The following SGSM1 variants were observed in gnomAD, a reference collection of about 807,000 sequenced individuals.
The protein encoded by SGSM1 is small G protein signaling modulator 1, also known as RUN and TBC1 domain containing 2.
A neutral mutation model predicts 133.8 loss-of-function variants in SGSM1; 73 were observed. That is an observed-to-expected ratio of 0.55 (90% CI 0.45 to 0.66). SGSM1 has a LOEUF of 0.66. Among genes scored for constraint, SGSM1 ranks in the 30% least tolerant of loss-of-function variants. The pLI, the probability that SGSM1 is intolerant of heterozygous loss-of-function variation, is 0.00. For synonymous variants in SGSM1, 563 were observed against 573.0 expected, an observed-to-expected ratio of 0.98 and a Z score of 0.25; for missense variants, 1,213 against 1,448.1, an observed-to-expected ratio of 0.84 and a Z score of 2.64.
intron 16 of SGSM1, among the ~76,000 whole-genome samples, chr22:24,890,566 A>T (rs1192038499): frequency 6.6e-6 from 1 of 151,930 alleles, no homozygotes; most frequent in African/African-American, 2.4e-5. Flanking sequence ...TTTGAGGTGG[A>T]GTCTCGCTCT....
intron 21 of SGSM1, among the ~76,000 whole-genome samples, chr22:24,907,523 TTTGTTG>T (rs145401904): frequency 6.6e-6 from 1 of 151,396 alleles, no homozygotes; most frequent in African/African-American, 2.4e-5. Flanking sequence ...GCCTTTGTTT[TTTGTTG>T]TTGTTTTTTT....
chr22:24,861,042 C>A (rs1931121854), intron 9 of SGSM1, among the ~76,000 whole-genome samples: 1 of 147,270 alleles, frequency 6.8e-6, no homozygotes, highest in Non-Finnish European at 1.5e-5. Flanking sequence ...CAAGAAACAT[C>A]AGGCCTTGGA....
chr22:24,855,392 G>T lies in SGSM1; in HGVS notation c.631G>T (p.Val211Leu), dbSNP rs771782020. The T allele has an allele frequency of 1.6e-5, 26 of 1,613,400 alleles. No homozygotes were observed. Among genetic ancestry groups the T allele is most frequent in the Admixed American group, 1.7e-5 (1 of 59,956 alleles). ...GAGGCACCGCATCCACAGCTCCCAC[G>T]TGCGGCAGGACTCGCCCACCAAGCG... Reference protein sequence around the residue: ...VQRHRIHSSHVRQDSPTKRPA... With the variant: ...VQRHRIHSSHLRQDSPTKRPA... The change falls in exon 7 of 25, where the codon GTG becomes TTG. Residue 211 changes from valine (V) to leucine (L), a missense_variant. Physicochemically the swap from Val to Leu is conservative, Grantham distance 32. Transcript: ENST00000400358.
chr22:24,921,621 G>C (rs1364181123), intron 24 of SGSM1, among the ~76,000 whole-genome samples: 1 of 151,908 alleles, frequency 6.6e-6, no homozygotes, highest in Non-Finnish European at 1.5e-5. Flanking sequence ...GTTTCATTTA[G>C]TAAGTAGTTA....
intron 19 of SGSM1, 99 bp downstream of exon 19, chr22:24,898,658 C>T (rs1933002052): frequency 2.5e-6 from 3 of 1,210,102 alleles, no homozygotes; most frequent in Non-Finnish European, 3.5e-6. Context: ...CGGAGTCAGA[C>T]CTCTGGTTCG....
Position 24,901,927 on chromosome 22 carries a change from A to G in SGSM1, c.2705A>G (p.Asn902Ser). The change falls in exon 20 of 25, where the codon AAC (asparagine) becomes AGC (serine). Residue 902 changes from asparagine to serine, a missense_variant. Asn to Ser is a conservative substitution (Grantham distance 46, BLOSUM62 1). Transcript: ENST00000400358. ...AACTACTGGTACTTCACGCCCGCCAACTTGGAGAAGCTGCGTAACATCATG... is the reference window on the plus strand; with the variant it reads ...AACTACTGGTACTTCACGCCCGCCAGCTTGGAGAAGCTGCGTAACATCATG... ...DRNYWYFTPA[N>S]LEKLRNIMCS... The G allele has an allele frequency of 6.8e-7, 1 of 1,467,274 alleles. No homozygotes were observed. Among genetic ancestry groups the G allele is most frequent in the South Asian group, 1.2e-5 (1 of 86,340 alleles). The allele number at this position is 1,467,274 out of a possible 1,614,324, so 90.9% of individuals were successfully genotyped here.
chr22:24,913,333 T>G (rs994380738), intron 22 of SGSM1, among the ~76,000 whole-genome samples: 4 of 149,958 alleles, frequency 2.7e-5, no homozygotes, highest in African/African-American at 9.8e-5. Context: ...GAAGTGCAAA[T>G]TACTGGGCAC....
chr22:24,894,886 A>G (rs5760711), intron 17 of SGSM1, among the ~76,000 whole-genome samples: 2 of 152,104 alleles, frequency 1.3e-5, no homozygotes, highest in Non-Finnish European at 2.9e-5. Context: ...GGGAAAAAAA[A>G]AAGTGGAGCC....
intron 17 of SGSM1, among the ~76,000 whole-genome samples, chr22:24,894,108 A>C (rs958395704): frequency 8.5e-5 from 13 of 152,200 alleles, no homozygotes; most frequent in African/African-American, 2.9e-4. Context: ...AAAAAGTAGG[A>C]TCTCACCACC....
At chr22:24,895,355 G>T in intron 18 of SGSM1, 64 bp downstream of exon 18, 1 of 1,526,828 alleles carries the variant, frequency 6.5e-7, no homozygotes, top group Non-Finnish European at 9.0e-7. Context: ...GGGTCATGGG[G>T]GTTGGGTGTC....
intron 24 of SGSM1, among the ~76,000 whole-genome samples, chr22:24,920,589 C>T (rs1051065765): frequency 3.9e-5 from 6 of 152,118 alleles, no homozygotes; most frequent in African/African-American, 1.4e-4. Flanking sequence ...CACGTGGTAC[C>T]TGGCTCATAG....
chr22:24,862,860 G>T (rs11090351), intron 9 of SGSM1, among the ~76,000 whole-genome samples: 1 of 152,022 alleles, frequency 6.6e-6, no homozygotes, highest in Non-Finnish European at 1.5e-5. Context: ...TCAAGTGGGG[G>T]AGTAGGACGA....
chr22:24,837,119 C>T (rs1030552882), intron 2 of SGSM1, among the ~76,000 whole-genome samples: 2 of 152,162 alleles, frequency 1.3e-5, no homozygotes, highest in African/African-American at 4.8e-5. Context: ...GCCCGGGGGA[C>T]CACTACCACC....
intron 18 of SGSM1, 123 bp downstream of exon 18, chr22:24,895,414 T>G: frequency 1.0e-6 from 1 of 990,746 alleles, no homozygotes; most frequent in African/African-American, 1.6e-5. Context: ...CTTTTTATAT[T>G]AGCATTAAAC....
At chr22:24,857,034 C>T (rs1051479369) in intron 8 of SGSM1, among the ~76,000 whole-genome samples, 2 of 151,994 alleles carry the variant, frequency 1.3e-5, no homozygotes, top group African/African-American at 2.4e-5. Flanking sequence ...TCCCAAAGTG[C>T]TGGGATTACA....
chr22:24,819,438 T>C (rs1391161623), intron 2 of SGSM1, among the ~76,000 whole-genome samples: 2 of 152,204 alleles, frequency 1.3e-5, no homozygotes, highest in African/African-American at 2.4e-5. Context: ...CTATGCACTT[T>C]ATATGCATTA....
At chr22:24,886,063 TGAG>T (rs551410743) in intron 15 of SGSM1, among the ~76,000 whole-genome samples, 35 of 152,006 alleles carry the variant, frequency 2.3e-4, no homozygotes, top group Non-Finnish European at 4.7e-4. Context: ...GCACAGAAGT[TGAG>T]GAATATTGGT....
At chr22:24,860,640 C>G (rs1051399072) in intron 9 of SGSM1, among the ~76,000 whole-genome samples, 4 of 151,882 alleles carry the variant, frequency 2.6e-5, no homozygotes, top group African/African-American at 9.7e-5. Flanking sequence ...TGGTGGCTCA[C>G]ACCTGTAATC....
intron 2 of SGSM1, among the ~76,000 whole-genome samples, chr22:24,836,297 G>T (rs1407567515): frequency 6.6e-6 from 1 of 152,172 alleles, no homozygotes; most frequent in Non-Finnish European, 1.5e-5. Flanking sequence ...TCCTTTTTAA[G>T]GCTGGATAGT....
Sources: gnomAD v4.1 joint callset for allele counts (sites outside exome capture counted in the v4.1 genomes callset) on GRCh38, gnomAD v4.1.1 for gene constraint, MANE v1.5 for transcripts, NCBI Gene and HGNC (gene_info 2026-07-23, HGNC 2026-07-21) for gene names.